Variants in PVT1 observed in about 807,000 individuals in gnomAD.
PVT1 encodes Pvt1 oncogene.
At chr8:128,029,523 C>T (rs572530595) in intron 4 of PVT1, among the ~76,000 whole-genome samples, 6 of 151,418 alleles carry the variant, frequency 4.0e-5, no homozygotes, top group Admixed American at 1.3e-4. Flanking sequence ...TTGTTGCGGT[C>T]GGGTGCGGTG....
At chr8:128,068,747 C>T (rs1193866490) in intron 4 of PVT1, among the ~76,000 whole-genome samples, 1 of 152,200 alleles carries the variant, frequency 6.6e-6, no homozygotes, top group Non-Finnish European at 1.5e-5. Flanking sequence ...CTGTCTCGGC[C>T]TCTCAAAGTG....
chr8:127,983,988 C>G (rs556454059), intron 3 of PVT1: 1 of 151,824 alleles, frequency 6.6e-6, no homozygotes, highest in Admixed American at 6.6e-5. Context: ...AAGTGATCCT[C>G]CTGCCTCAGC....
chr8:127,883,758 G>C (rs930248055), intron 2 of PVT1, among the ~76,000 whole-genome samples: 1 of 152,232 alleles, frequency 6.6e-6, no homozygotes, highest in African/African-American at 2.4e-5. Context: ...GGAGCCAAGA[G>C]AATGGGGCTG....
intron 2 of PVT1, among the ~76,000 whole-genome samples, chr8:127,825,278 C>T (rs1029630225): frequency 1.3e-5 from 2 of 152,170 alleles, no homozygotes; most frequent in African/African-American, 2.4e-5. Context: ...AGGTTCTAGA[C>T]ATTTTTAAGG....
At chr8:128,015,016 C>T (rs1478516721) in intron 4 of PVT1, among the ~76,000 whole-genome samples, 1 of 151,792 alleles carries the variant, frequency 6.6e-6, no homozygotes, top group Non-Finnish European at 1.5e-5. Flanking sequence ...CCATGTTGAG[C>T]CTCAGTTTCC....
intron 3 of PVT1, among the ~76,000 whole-genome samples, chr8:127,968,609 G>A (rs946638989): frequency 1.3e-5 from 2 of 152,180 alleles, no homozygotes; most frequent in African/African-American, 4.8e-5. Context: ...TATCAGGGAG[G>A]CCCTAAAAGG....
chr8:127,878,567 C>G (rs1815430953), intron 2 of PVT1, among the ~76,000 whole-genome samples: 1 of 152,172 alleles, frequency 6.6e-6, no homozygotes, highest in Non-Finnish European at 1.5e-5. Context: ...CTTTCCCTTC[C>G]CTGCCACTGT....
At chr8:127,930,251 AG>A (rs1314312966) in intron 3 of PVT1, among the ~76,000 whole-genome samples, 2 of 152,128 alleles carry the variant, frequency 1.3e-5, no homozygotes, top group South Asian at 4.2e-4. Flanking sequence ...TCAACTCCTG[AG>A]TTCAAGCGAT....
chr8:127,928,757 C>T (rs1456891370), intron 3 of PVT1, among the ~76,000 whole-genome samples: 1 of 152,204 alleles, frequency 6.6e-6, no homozygotes, highest in Non-Finnish European at 1.5e-5. Context: ...ACAGCCTGTC[C>T]TGCTGCGGTG....
intron 3 of PVT1, among the ~76,000 whole-genome samples, chr8:127,958,453 T>C (rs936009657): frequency 6.6e-6 from 1 of 152,190 alleles, no homozygotes; most frequent in Non-Finnish European, 1.5e-5. Flanking sequence ...TTGCCCAGGC[T>C]GGTCTCGAAC....
At chr8:127,935,742 G>A (rs1222902635) in intron 3 of PVT1, among the ~76,000 whole-genome samples, 3 of 151,488 alleles carry the variant, frequency 2.0e-5, no homozygotes, top group African/African-American at 4.9e-5. Context: ...TATCCCAAAG[G>A]GCCATTTTGA....
intron 4 of PVT1, among the ~76,000 whole-genome samples, chr8:128,009,399 T>C (rs1486775900): frequency 6.6e-6 from 1 of 152,156 alleles, no homozygotes; most frequent in Non-Finnish European, 1.5e-5. Flanking sequence ...GAAATGTGTT[T>C]AATAGCCCTC....
chr8:128,043,749 G>A (rs1226372104), intron 4 of PVT1, among the ~76,000 whole-genome samples: 1 of 140,978 alleles, frequency 7.1e-6, no homozygotes, highest in Admixed American at 7.1e-5. Context: ...CTGCTATATA[G>A]TATTATTTTC....
chr8:127,830,105 C>G (rs568573651), intron 2 of PVT1, among the ~76,000 whole-genome samples: 1 of 152,350 alleles, frequency 6.6e-6, no homozygotes, highest in African/African-American at 2.4e-5. Context: ...TGCAAAGACC[C>G]TATTTCCAAA....
intron 2 of PVT1, among the ~76,000 whole-genome samples, chr8:127,867,979 C>T (rs770083075): frequency 6.6e-6 from 1 of 152,196 alleles, no homozygotes; most frequent in South Asian, 2.1e-4. Flanking sequence ...GCATGAGGCT[C>T]CTTCCTCTGT....
intron 4 of PVT1, among the ~76,000 whole-genome samples, chr8:127,992,692 T>A (rs1247877537): frequency 6.6e-6 from 1 of 152,224 alleles, no homozygotes. Context: ...CCTCTCAGTG[T>A]CATTCTTGCT....
chr8:127,906,823 C>T lies in PVT1; in HGVS notation n.782+15825C>T, dbSNP rs540914114. Among the ~76,000 whole-genome samples the T allele has an allele frequency of 8.5e-5, 13 of 152,284 alleles. No individual in the cohort carries two copies. The South Asian group carries it at 1.9e-3, about 22-fold the overall frequency. On this transcript the variant is annotated intron_variant and non_coding_transcript_variant, in intron 3 of 10. Coordinates refer to ENST00000651587, the Ensembl canonical transcript of PVT1. Reference sequence around the variant, plus strand: ...ACTATGTGCCAGGATTTAAATATTTCTCTCAGCAACCCAAAGATGTAAATG... The same window carrying T: ...ACTATGTGCCAGGATTTAAATATTTTTCTCAGCAACCCAAAGATGTAAATG...
intron 3 of PVT1, among the ~76,000 whole-genome samples, chr8:127,950,139 T>G (rs1816488020): frequency 6.6e-6 from 1 of 150,736 alleles, no homozygotes; most frequent in African/African-American, 2.5e-5. Context: ...TTTAATAAAC[T>G]TCCGGGGCAC....
intron 5 of PVT1, chr8:128,096,386 T>C (rs1814428982): frequency 6.6e-6 from 1 of 152,186 alleles, no homozygotes; most frequent in Non-Finnish European, 1.5e-5. Context: ...TGAGTGAACA[T>C]GTGTCAAATG....
Sources: gnomAD v4.1 joint callset for allele counts (sites outside exome capture counted in the v4.1 genomes callset) on GRCh38, gnomAD v4.1.1 for gene constraint, MANE v1.5 for transcripts, NCBI Gene and HGNC (gene_info 2026-07-23, HGNC 2026-07-21) for gene names.